FOCAD: variants seen among roughly 807,000 people sequenced by gnomAD.
FOCAD encodes the protein KIAA1797.
In FOCAD, 198 loss-of-function variants were observed where a neutral mutation model predicts 225.6. That is an observed-to-expected ratio of 0.88 (90% CI 0.78 to 0.99). The LOEUF is 0.99. FOCAD is among the 50% of genes least tolerant of loss of function. FOCAD has a pLI of 0.00. For missense variants in FOCAD, 2,713 were observed against 2,123.6 expected (o/e 1.28, Z -5.46); for synonymous variants, 897 against 755.0 (o/e 1.19, Z -3.08).
upstream of FOCAD, chr9:20,683,792 G>A (rs531227869): frequency 6.6e-6 from 1 of 152,350 alleles, no homozygotes; most frequent in South Asian, 2.1e-4. Context: ...TTCGCGGCAA[G>A]TCGGCTGTCT....
At chr9:20,696,055 G>A (rs1480500893) in intron 1 of FOCAD, among the ~76,000 whole-genome samples, 2 of 152,180 alleles carry the variant, frequency 1.3e-5, no homozygotes, top group East Asian at 3.8e-4. Context: ...TTTTAGAAAT[G>A]GATAAATGAT....
At chr9:20,944,524 C>A in intron 28 of FOCAD, 103 bp from the exon 29 acceptor site, 1 of 1,297,936 alleles carries the variant, frequency 7.7e-7, no homozygotes, top group Non-Finnish European at 1.1e-6. Context: ...TGAATCCAGC[C>A]ATCTCACCAA....
chr9:20,941,818 G>A (rs1836685802), intron 28 of FOCAD, among the ~76,000 whole-genome samples: 1 of 152,010 alleles, frequency 6.6e-6, no homozygotes, highest in Non-Finnish European at 1.5e-5. Flanking sequence ...TTTGCTTTCA[G>A]TGGACAGAAA....
chr9:20,885,625 A>G (rs1831045236), intron 21 of FOCAD: 1 of 152,364 alleles, frequency 6.6e-6, no homozygotes, highest in Non-Finnish European at 1.5e-5. Flanking sequence ...AAGTAAATAA[A>G]AGCATTTTAG....
chr9:20,764,960 C>T lies in FOCAD; in HGVS notation c.586C>T (p.Leu196=), dbSNP rs770911786. 1 of 1,614,090 alleles carries T rather than the reference C, an allele frequency of 6.2e-7. No individual in the cohort carries two copies. Among genetic ancestry groups the T allele is most frequent in the East Asian group, 2.2e-5 (1 of 44,864 alleles). Residue 196 remains leucine (L), a synonymous_variant, in exon 7 of 44, where the codon CTA becomes TTA. Transcript: ENST00000338382. ...SQLQEYAKLR[L]ALLKVLLQPQ... ...GTTACAAGAATATGCTAAACTCCGA[C>T]TAGCCCTGCTGAAAGTCTTACTTCA...
chr9:20,929,632 T>G (rs371800241), intron 27 of FOCAD, 36 bp downstream of exon 27: 4 of 1,587,418 alleles, frequency 2.5e-6, no homozygotes, highest in Non-Finnish European at 3.4e-6. Flanking sequence ...TTTTCTTCTT[T>G]GTGATTTTTT....
At chr9:20,731,738 C>G (rs1826724025) in intron 4 of FOCAD, among the ~76,000 whole-genome samples, 1 of 152,110 alleles carries the variant, frequency 6.6e-6, no homozygotes, top group Non-Finnish European at 1.5e-5. Flanking sequence ...CTGCCTCAGC[C>G]TCCCAAGTTG....
At position 20,828,075 on chromosome 9, in the gene FOCAD, G is replaced by A. The variant is rs571970385; in HGVS notation, c.1920+4960G>A. 2.0e-5 allele frequency among the ~76,000 whole-genome samples: 3 copies of A among 151,728 alleles called. No homozygotes were observed. The South Asian group carries it at 6.2e-4, about 32-fold the overall frequency. On this transcript the variant is annotated intron_variant, in intron 15 of 43. Transcript: ENST00000338382. The stretch of plus-strand genomic sequence containing the variant: ...TTGTCCCAGCACTCAGGAGGCTGAG[G>A]TAGGAAGATTGAGGCTGCAGTGAGC...
At chr9:20,806,774 T>A (rs1045171801) in intron 11 of FOCAD, among the ~76,000 whole-genome samples, 1 of 152,210 alleles carries the variant, frequency 6.6e-6, no homozygotes, top group Non-Finnish European at 1.5e-5. Context: ...ATAGATGGTA[T>A]GATTATAGTG....
intron 5 of FOCAD, among the ~76,000 whole-genome samples, chr9:20,757,342 A>G (rs1380928213): frequency 6.6e-6 from 1 of 152,228 alleles, no homozygotes; most frequent in Non-Finnish European, 1.5e-5. Flanking sequence ...TTAGTAGAGT[A>G]GCCTTTTTGA....
At chr9:20,951,748 T>C (rs967545458) in intron 34 of FOCAD, among the ~76,000 whole-genome samples, 2 of 152,232 alleles carry the variant, frequency 1.3e-5, no homozygotes, top group African/African-American at 4.8e-5. Context: ...ACATGCTTAA[T>C]GTGCATTTGT....
rs77439646 is a variant in FOCAD, at chr9:20,727,379, A to C, written c.287+6845A>C. The stretch of plus-strand genomic sequence containing the variant: ...ATGCTAAGATGTTTCTAGGTGATTT[A>C]AGAACAGTGGCTACTGAACACATGT... On this transcript the variant is annotated intron_variant, in intron 4 of 43. Transcript: ENST00000338382. Among the ~76,000 whole-genome samples the C allele has an allele frequency of 3.2e-4, 49 of 152,332 alleles. 1 individual carries two copies. The East Asian group carries it at 9.4e-3, about 29-fold the overall frequency.
chr9:20,707,495 C>T (rs1563897569), intron 1 of FOCAD, among the ~76,000 whole-genome samples: 1 of 152,080 alleles, frequency 6.6e-6, no homozygotes, highest in Non-Finnish European at 1.5e-5. Context: ...AACTTAACTA[C>T]CAATAGTCTT....
At chr9:20,995,473 G>A (rs759359374) in intron 43 of FOCAD, 83 bp from the exon 44 acceptor site, 11 of 1,203,376 alleles carry the variant, frequency 9.1e-6, no homozygotes, top group Non-Finnish European at 1.3e-5. Flanking sequence ...AGCCAAGTGA[G>A]AAAAAGACAA....
intron 3 of FOCAD, among the ~76,000 whole-genome samples, chr9:20,719,778 CTTTTTTTTTT>C (rs34384301): frequency 4.8e-5 from 3 of 62,112 alleles, no homozygotes; most frequent in Admixed American, 2.4e-4. Context: ...TTTTCCTAGG[CTTTTTTTTTT>C]TTTTTTTTTT....
At chr9:20,920,328 G>C (rs1227757723) in intron 24 of FOCAD, among the ~76,000 whole-genome samples, 4 of 130,694 alleles carry the variant, frequency 3.1e-5, no homozygotes, top group African/African-American at 1.2e-4. Context: ...TGCTGGAGAG[G>C]ATGTGGAGAA....
At chr9:20,769,770 C>G (rs995355703) in intron 7 of FOCAD, among the ~76,000 whole-genome samples, 7 of 152,158 alleles carry the variant, frequency 4.6e-5, no homozygotes, top group African/African-American at 1.7e-4. Context: ...TGCACTCAGA[C>G]AAGCTAGAAA....
chr9:20,680,493 G>T (rs996117174), upstream of FOCAD, among the ~76,000 whole-genome samples: 2 of 152,222 alleles, frequency 1.3e-5, no homozygotes, highest in African/African-American at 4.8e-5. Context: ...AGGAGGTGGA[G>T]GTTGCAAGCT....
chr9:20,727,144 T>C (rs908304404), intron 4 of FOCAD, among the ~76,000 whole-genome samples: 8 of 152,192 alleles, frequency 5.3e-5, no homozygotes, highest in Non-Finnish European at 8.8e-5. Flanking sequence ...GCTTATTAGC[T>C]TGTTTCTAGA....
Sources: gnomAD v4.1 joint callset for allele counts (sites outside exome capture counted in the v4.1 genomes callset) on GRCh38, gnomAD v4.1.1 for gene constraint, MANE v1.5 for transcripts, NCBI Gene and HGNC (gene_info 2026-07-23, HGNC 2026-07-21) for gene names.